NXN: variants seen among roughly 807,000 people sequenced by gnomAD.
NXN encodes nucleoredoxin 1.
A neutral mutation model predicts 48.6 loss-of-function variants in NXN; 16 were observed. The ratio of observed to expected loss-of-function variants is 0.33; its 90% CI spans 0.22 to 0.50. The LOEUF is 0.50. NXN is among the 20% of genes least tolerant of loss of function. NXN has a pLI of 0.98. For missense variants in NXN, 492 were observed against 605.5 expected (o/e 0.81, Z 1.97); for synonymous variants, 281 against 269.6 (o/e 1.04, Z -0.41).
At position 812,048 on chromosome 17, in the gene NXN, C is replaced by T. The variant is rs545709632; in HGVS notation, c.821-6801G>A. Among the ~76,000 whole-genome samples the T allele has an allele frequency of 1.8e-3, 279 of 151,318 alleles. 2 individuals carry two copies. Among genetic ancestry groups the T allele is most frequent in the African/African-American group, 6.6e-3 (271 of 40,968 alleles). On this transcript the variant is annotated intron_variant, in intron 5 of 7. Transcript: ENST00000336868. ...GTTCACGCCATTCTCCTGCCTCAGC[C>T]TCCCGAGTAGCTGGGACTACAGGCG...
chr17:825,306 G>A lies in NXN; in HGVS notation c.478+655C>T, dbSNP rs1175918904. 1.3e-5 allele frequency among the ~76,000 whole-genome samples: 2 copies of A among 152,116 alleles called. No homozygotes were observed. The highest frequency in any genetic ancestry group is 4.8e-5 in the African/African-American group (2 of 41,434). ...TGAGGACAATTCTTTGAAGTAGGTG[G>A]CATTTTTACTGGGAAAATGTGTGAG... On this transcript the variant is annotated intron_variant, in intron 2 of 7. Coordinates refer to ENST00000336868, the MANE Select transcript of NXN (RefSeq NM_022463.5). The surrounding 1 kb of genome is among the most constrained non-coding windows in gnomAD (Gnocchi z 4.1).
In NXN at chr17:849,153, ATGG is replaced by A. The variant is rs1188118010; in HGVS notation, c.361-23078_361-23076del. Among the ~76,000 whole-genome samples the A allele has an allele frequency of 6.6e-6, 1 of 152,050 alleles. No individual in the cohort carries two copies. The highest frequency in any genetic ancestry group is 2.4e-5 in the African/African-American group (1 of 41,422). On this transcript the variant is annotated intron_variant, in intron 1 of 7. Coordinates refer to ENST00000336868, the MANE Select transcript of NXN (RefSeq NM_022463.5). This position sits in a 1 kb window ranked among gnomAD's most constrained non-coding sequence, Gnocchi z 4.2. ...ACCCTTTGTTCCACGGCAGGCAATC[ATGG>A]TGGGTGTGCACGCTTGATCTAAGAC...
intron 1 of NXN, among the ~76,000 whole-genome samples, chr17:949,894 G>A (rs552033366): frequency 3.9e-4 from 59 of 151,674 alleles, no homozygotes; most frequent in African/African-American, 1.1e-3. Context: ...ATCTGCCTGG[G>A]CACCTTCTGG....
chr17:864,094 C>T lies in NXN; in HGVS notation c.361-38016G>A, dbSNP rs573394235. 14 of 1,297,178 alleles carry T rather than the reference C, an allele frequency of 1.1e-5. No homozygotes were observed. In the African/African-American group the frequency reaches 1.5e-4, roughly 14 times the overall value. The allele number at this position is 1,297,178 out of a possible 1,614,324, so 80.4% of individuals were successfully genotyped here. A position where few individuals can be genotyped will look rare whatever the true frequency, so the allele number is the denominator to read the frequency against. Reference sequence around the variant, plus strand: ...GGGCACAGTTACCGTTGCTCGGTTCCGGTGAAGGGGCACGTTTACCGTTGC... The same window carrying T: ...GGGCACAGTTACCGTTGCTCGGTTCTGGTGAAGGGGCACGTTTACCGTTGC... On this transcript the variant is annotated intron_variant, in intron 1 of 7. Coordinates refer to ENST00000336868, the MANE Select transcript of NXN (RefSeq NM_022463.5).
intron 1 of NXN, among the ~76,000 whole-genome samples, chr17:967,503 C>T (rs1274005391): frequency 1.3e-5 from 2 of 152,216 alleles, no homozygotes; most frequent in Non-Finnish European, 2.9e-5. Flanking sequence ...TGATATTCTA[C>T]ACACCTAGAT....
rs749384404 is a variant in NXN at position 917,233 on chromosome 17, G to C, written c.360+62086C>G. On this transcript the variant is annotated intron_variant, in intron 1 of 7. Coordinates refer to ENST00000336868, the MANE Select transcript of NXN (RefSeq NM_022463.5). This position sits in a 1 kb window ranked among gnomAD's most constrained non-coding sequence, Gnocchi z 4.5. ...CTCGGCTCGCCGTGGCCTCCGCCTC[G>C]CGGGTTCAAGCGATTCTCCTGCCTC... is the stretch of plus-strand genomic sequence containing the variant. 5.3e-5 allele frequency among the ~76,000 whole-genome samples: 8 copies of C among 151,496 alleles called. No homozygotes were observed. Among genetic ancestry groups the C allele is most frequent in the East Asian group, 2.0e-4 (1 of 5,124 alleles).
intron 1 of NXN, among the ~76,000 whole-genome samples, chr17:921,219 T>G (rs1370824284): frequency 6.6e-6 from 1 of 151,930 alleles, no homozygotes; most frequent in African/African-American, 2.4e-5. Flanking sequence ...ACCTACAGGG[T>G]CAAGTCTTTA....
rs1225932265 is a variant in NXN at position 830,488 on chromosome 17, A to G, written c.361-4410T>C. Among the ~76,000 whole-genome samples, 1 of 152,134 alleles carries G rather than the reference A, an allele frequency of 6.6e-6. No individual in the cohort carries two copies. The highest frequency in any genetic ancestry group is 1.5e-5 in the Non-Finnish European group (1 of 68,032). On this transcript the variant is annotated intron_variant, in intron 1 of 7. Coordinates refer to ENST00000336868, the MANE Select transcript of NXN (RefSeq NM_022463.5). The surrounding 1 kb of genome is among the most constrained non-coding windows in gnomAD (Gnocchi z 4.2). ...TTTGGGCACAGACCTCAGCAAGGAA[A>G]TGGAACAAGCCACAGGCACGCCGCG...
At chr17:832,743 A>G (rs62067115) in intron 1 of NXN, among the ~76,000 whole-genome samples, 56,903 of 151,626 alleles carry the variant, frequency 0.38, 11,479 homozygotes, top group African/African-American at 0.54. Flanking sequence ...CTCCCTCCCT[A>G]AAGATTCCCC....
chr17:955,088 G>A (rs1304847408), intron 1 of NXN, among the ~76,000 whole-genome samples: 1 of 152,006 alleles, frequency 6.6e-6, no homozygotes, highest in African/African-American at 2.4e-5. Context: ...TTTTCTAGAG[G>A]CTGGGATATG....
At chr17:936,885 C>T (rs2068913607) in intron 1 of NXN, among the ~76,000 whole-genome samples, 2 of 151,848 alleles carry the variant, frequency 1.3e-5, no homozygotes, top group South Asian at 2.1e-4. Flanking sequence ...CCTGTGTTCA[C>T]CATCACAACA....
At chr17:928,740 G>A (rs1015211735) in intron 1 of NXN, among the ~76,000 whole-genome samples, 1 of 152,146 alleles carries the variant, frequency 6.6e-6, no homozygotes, top group African/African-American at 2.4e-5. Flanking sequence ...GGAGGCTGAG[G>A]AGGGAGAATC....
At chr17:838,930 G>A (rs1213791408) in intron 1 of NXN, among the ~76,000 whole-genome samples, 2 of 152,226 alleles carry the variant, frequency 1.3e-5, no homozygotes, top group Non-Finnish European at 2.9e-5. Context: ...GTGTGGGATA[G>A]ATCAAACGGT....
intron 1 of NXN, among the ~76,000 whole-genome samples, chr17:953,462 G>A (rs373370541): frequency 6.6e-6 from 1 of 152,090 alleles, no homozygotes; most frequent in Non-Finnish European, 1.5e-5. Context: ...GCAGGACGAG[G>A]CACCTCGGAT....
chr17:936,466 C>G (rs1003876785), intron 1 of NXN, among the ~76,000 whole-genome samples: 2 of 151,718 alleles, frequency 1.3e-5, no homozygotes, highest in African/African-American at 4.8e-5. Context: ...GTGCACACGC[C>G]GCGTGCTGCC....
At chr17:925,372 G>C (rs1413529057) in intron 1 of NXN, among the ~76,000 whole-genome samples, 3 of 152,146 alleles carry the variant, frequency 2.0e-5, no homozygotes, top group African/African-American at 7.2e-5. Context: ...GAGGAGGCTG[G>C]AGAGGCTTCT....
intron 5 of NXN, 102 bp downstream of exon 5, chr17:819,337 G>A (rs761173881): frequency 1.4e-5 from 11 of 804,694 alleles, no homozygotes; most frequent in Middle Eastern, 2.3e-4. Flanking sequence ...AATATTCATG[G>A]AAATAATGAT....
chr17:804,726 C>T (rs1449578530), intron 6 of NXN, among the ~76,000 whole-genome samples: 6 of 152,244 alleles, frequency 3.9e-5, no homozygotes, highest in East Asian at 1.9e-4. Context: ...TGGTGAGCCT[C>T]GGCCAGAGGG....
chr17:829,502 G>A (rs1480497212), intron 1 of NXN, among the ~76,000 whole-genome samples: 1 of 146,694 alleles, frequency 6.8e-6, no homozygotes, highest in African/African-American at 2.5e-5. Context: ...TGTGCAGAAT[G>A]TGCAGGTTTG....
Sources: allele counts gnomAD v4.1 joint callset (sites outside exome capture counted in the v4.1 genomes callset), GRCh38; gene constraint gnomAD v4.1.1; non-coding constraint Gnocchi (gnomAD v3.1); transcripts MANE v1.5; gene names NCBI Gene and HGNC (gene_info 2026-07-23, HGNC 2026-07-21).